Variants in CCAR1 observed in about 807,000 individuals in gnomAD.
The protein encoded by CCAR1 is cell division cycle and apoptosis regulator 1.
Under a neutral mutation model 163.8 loss-of-function variants are expected in CCAR1, and 78 were observed. That is an observed-to-expected ratio of 0.48 (90% CI 0.40 to 0.57). The LOEUF is 0.57. Among genes scored for constraint, CCAR1 ranks in the 20% least tolerant of loss-of-function variants. CCAR1 has a pLI of 0.00. For missense variants in CCAR1, 1,019 were observed against 1,365.2 expected (o/e 0.75, Z 4.00); for synonymous variants, 443 against 460.7 (o/e 0.96, Z 0.49).
In CCAR1 at chr10:68,754,872, T is replaced by C; in HGVS notation, c.1458+45T>C. ...TTAACTTTAGATGTATTCACTTTGCTTAGCTGTAACTTTGTACACATAAAA... is the reference window on the plus strand; with the variant it reads ...TTAACTTTAGATGTATTCACTTTGCCTAGCTGTAACTTTGTACACATAAAA... On this transcript the variant is annotated intron_variant, in intron 12 of 24. Transcript: ENST00000265872. 2.8e-6 allele frequency: 3 copies of C among 1,060,388 alleles called. No individual in the cohort carries two copies. In the South Asian group the frequency reaches 3.8e-5, roughly 14 times the overall value. The allele number at this position is 1,060,388 out of a possible 1,614,324, so 65.7% of individuals were successfully genotyped here. A position where few individuals can be genotyped will look rare whatever the true frequency, so the allele number is the denominator to read the frequency against.
At chr10:68,774,821 C>T (rs893546082) in intron 19 of CCAR1, 10 of 319,614 alleles carry the variant, frequency 3.1e-5, no homozygotes, top group South Asian at 7.8e-5. Context: ...TAGACATCAA[C>T]GATCAAATAC....
chr10:68,775,242 T>C (rs572503952), intron 19 of CCAR1, among the ~76,000 whole-genome samples: 1 of 152,250 alleles, frequency 6.6e-6, no homozygotes, highest in South Asian at 2.1e-4. Flanking sequence ...GAAAATAAGG[T>C]CGTAATAGCA....
In CCAR1 at chr10:68,772,874, G is replaced by C. The variant is rs1281437295; in HGVS notation, c.2539-114G>C. On this transcript the variant is annotated intron_variant, in intron 18 of 24. Coordinates refer to ENST00000265872, the MANE Select transcript of CCAR1 (RefSeq NM_018237.4). ...GCCTATAATCCTAGCCCTTCAGAAG[G>C]CCCAGGCCAGTGGATCGCTTGAGCC... 10 of 488,298 alleles carry C rather than the reference G, an allele frequency of 2.0e-5. No homozygotes were observed. In the East Asian group the frequency reaches 3.8e-4, roughly 19 times the overall value. The allele number at this position is 488,298 out of a possible 1,614,324, so 30.2% of individuals were successfully genotyped here.
At chr10:68,766,192 TTTG>T in intron 17 of CCAR1, 113 bp downstream of exon 17, 2 of 687,088 alleles carry the variant, frequency 2.9e-6, no homozygotes, top group Non-Finnish European at 4.7e-6. Flanking sequence ...CGTGGTTTTT[TTTG>T]TTTTGTTTTG....
intron 21 of CCAR1, 97 bp from the exon 22 acceptor site, chr10:68,787,830 T>C: frequency 1.6e-6 from 2 of 1,251,632 alleles, no homozygotes; most frequent in South Asian, 1.5e-5. Flanking sequence ...AGCAAGACTC[T>C]TTCTCAAAAG....
At chr10:68,767,512 C>G (rs1380824257) in intron 17 of CCAR1, among the ~76,000 whole-genome samples, 1 of 152,162 alleles carries the variant, frequency 6.6e-6, no homozygotes, top group Non-Finnish European at 1.5e-5. Context: ...TCTCAAATTG[C>G]TGAGATTACA....
rs1387424526 is a variant in CCAR1 at position 68,773,134 on chromosome 10, TAAG to T, written c.2650+38_2650+40del. ...AAATTTATTTATTACTTCTTAGAGT[TAAG>T]AATACATTTTTTGTTTGCTGACATT... On this transcript the variant is annotated intron_variant, in intron 19 of 24. Transcript: ENST00000265872. 9 of 1,081,042 alleles carry T rather than the reference TAAG, an allele frequency of 8.3e-6. No homozygotes were observed. In the South Asian group the frequency reaches 8.7e-5, roughly 10 times the overall value. 67.0% of individuals were successfully genotyped at this position (1,081,042 alleles called of 1,614,324 possible). A position where few individuals can be genotyped will look rare whatever the true frequency, so the allele number is the denominator to read the frequency against.
chr10:68,784,454 C>T (rs1370782138), intron 19 of CCAR1, among the ~76,000 whole-genome samples: 1 of 152,116 alleles, frequency 6.6e-6, no homozygotes, highest in African/African-American at 2.4e-5. Flanking sequence ...CTTAAGTGAT[C>T]CATCTGCCTC....
At chr10:68,774,942 T>G (rs551960685) in intron 19 of CCAR1, 1 of 388,500 alleles carries the variant, frequency 2.6e-6, no homozygotes, top group Non-Finnish European at 4.9e-6. Context: ...TTTTGTTTTT[T>G]TTTTTACAGT....
intron 17 of CCAR1, among the ~76,000 whole-genome samples, 193 bp from the exon 18 acceptor site, chr10:68,771,013 G>A (rs1416399889): frequency 6.6e-6 from 1 of 152,152 alleles, no homozygotes; most frequent in Non-Finnish European, 1.5e-5. Context: ...GGGAGGTGGA[G>A]CTTGCTGTGA....
chr10:68,751,083 A>G (rs2056324537), intron 10 of CCAR1, among the ~76,000 whole-genome samples: 1 of 151,188 alleles, frequency 6.6e-6, no homozygotes, highest in Middle Eastern at 3.2e-3. Context: ...GCTGGAGAGC[A>G]ATGGCGCGAT....
intron 4 of CCAR1, among the ~76,000 whole-genome samples, chr10:68,739,454 C>CT (rs890777669): frequency 2.9e-4 from 44 of 152,104 alleles, no homozygotes; most frequent in African/African-American, 1.0e-3. Context: ...CAGCCTCATT[C>CT]TTTTTTTTAT....
chr10:68,772,760 A>T (rs549105966), intron 18 of CCAR1, among the ~76,000 whole-genome samples: 7 of 149,418 alleles, frequency 4.7e-5, no homozygotes, highest in East Asian at 1.9e-4. Flanking sequence ...TCCATCTCAA[A>T]AAAAAAAAAA....
chr10:68,725,087 T>C (rs966966108), intron 2 of CCAR1, among the ~76,000 whole-genome samples: 7 of 151,984 alleles, frequency 4.6e-5, no homozygotes, highest in African/African-American at 1.7e-4. Context: ...TGAGCTCAGA[T>C]GCTCAGATTG....
intron 17 of CCAR1, among the ~76,000 whole-genome samples, chr10:68,768,932 G>A (rs1181436007): frequency 6.6e-6 from 1 of 152,142 alleles, no homozygotes. Context: ...AAATATATCA[G>A]ATTTGCAAAG....
At chr10:68,737,088 T>G in intron 3 of CCAR1, 40 bp downstream of exon 3, 1 of 1,473,720 alleles carries the variant, frequency 6.8e-7, no homozygotes, top group Non-Finnish European at 9.4e-7. Context: ...TGTAGAAAAC[T>G]TTATGAAATC....
At chr10:68,790,662 G>A (rs1046790705) in intron 24 of CCAR1, among the ~76,000 whole-genome samples, 2 of 151,950 alleles carry the variant, frequency 1.3e-5, no homozygotes, top group African/African-American at 4.8e-5. Flanking sequence ...CTGATGAGCT[G>A]GGACTACAGG....
intron 10 of CCAR1, among the ~76,000 whole-genome samples, chr10:68,753,124 T>C (rs1214507952): frequency 4.2e-5 from 1 of 23,606 alleles, no homozygotes; most frequent in Non-Finnish European, 9.1e-5. Context: ...CATTATACTT[T>C]TAACAGACAT....
intron 2 of CCAR1, among the ~76,000 whole-genome samples, chr10:68,724,661 G>A (rs2055915154): frequency 6.6e-6 from 1 of 152,066 alleles, no homozygotes; most frequent in South Asian, 2.1e-4. Flanking sequence ...TTATGTACCT[G>A]TGGTTCTAGC....
Sources: allele counts gnomAD v4.1 joint callset (sites outside exome capture counted in the v4.1 genomes callset), GRCh38; gene constraint gnomAD v4.1.1; transcripts MANE v1.5; gene names NCBI Gene and HGNC (gene_info 2026-07-23, HGNC 2026-07-21).